Variants in DCC observed in about 807,000 individuals in gnomAD.
DCC encodes DCC netrin 1 receptor.
Under a neutral mutation model 172.5 loss-of-function variants are expected in DCC, and 58 were observed. The observed-to-expected ratio is 0.34, with a 90% CI of 0.27 to 0.42. The LOEUF is 0.42. Ranked by LOEUF, DCC falls within the 10% of genes least tolerant of loss-of-function variation. The probability of loss-of-function intolerance (pLI) is 1.00; values close to 1 mark genes in which losing one functional copy is unlikely to be tolerated. For missense variants in DCC, 1,740 were observed against 1,791.0 expected (o/e 0.97, Z 0.51); for synonymous variants, 709 against 644.5 (o/e 1.10, Z -1.52).
intron 1 of DCC, among the ~76,000 whole-genome samples, chr18:52,587,312 C>G (rs2033697063): frequency 6.6e-6 from 1 of 152,318 alleles, no homozygotes; most frequent in Admixed American, 6.5e-5. Context: ...ACTACCATGG[C>G]CACTTTGTTC....
chr18:53,402,876 C>T lies in DCC; in HGVS notation c.2918C>T (p.Ala973Val), dbSNP rs1012458014. Residue 973 changes from alanine to valine, a missense_variant, in exon 19 of 29, where the codon GCC becomes GTC. Physicochemically the swap from Ala to Val is moderately conservative, Grantham distance 64. Coordinates refer to ENST00000442544, the MANE Select transcript of DCC (RefSeq NM_005215.4). ...GTGAGTTGGCAGCCTCCCTTGGAAG[C>T]CAATGGGAAAATTACTGGTAAGCAT... ...VIVSWQPPLEANGKITAYILF... is the reference protein window; with the variant it reads ...VIVSWQPPLEVNGKITAYILF... 6.2e-7 allele frequency: 1 copy of T among 1,612,874 alleles called. No homozygotes were observed. Among genetic ancestry groups the T allele is most frequent in the Non-Finnish European group, 8.5e-7 (1 of 1,178,918 alleles).
At chr18:53,455,010 T>G (rs1004392818) in intron 23 of DCC, among the ~76,000 whole-genome samples, 1 of 152,206 alleles carries the variant, frequency 6.6e-6, no homozygotes, top group Non-Finnish European at 1.5e-5. Flanking sequence ...TTAATCAAAA[T>G]GGACAATTAG....
intron 28 of DCC, chr18:53,530,262 T>C (rs2144635159): frequency 2.9e-6 from 2 of 693,766 alleles, no homozygotes; most frequent in East Asian, 5.4e-5. Flanking sequence ...GTGCACTCAC[T>C]TGTCTAAGAC....
At chr18:53,491,725 G>A (rs147362839) in intron 26 of DCC, among the ~76,000 whole-genome samples, 17 of 152,176 alleles carry the variant, frequency 1.1e-4, no homozygotes, top group African/African-American at 2.9e-4. Flanking sequence ...CCAGTCCATC[G>A]TTGATGGGCA....
At chr18:52,802,580 G>T (rs1368028185) in intron 2 of DCC, among the ~76,000 whole-genome samples, 2 of 142,586 alleles carry the variant, frequency 1.4e-5, no homozygotes, top group African/African-American at 2.6e-5. Context: ...CTGAGCTCAA[G>T]TGGTCCTCCT....
rs890941326 is a variant in DCC at position 53,097,525 on chromosome 18, A to C, written c.1261+31359A>C. 4.6e-5 allele frequency among the ~76,000 whole-genome samples: 7 copies of C among 152,308 alleles called. No homozygotes were observed. The East Asian group carries it at 7.7e-4, about 17-fold the overall frequency. ...GGGAAGATAGATGAGTATAGCAATA[A>C]ATTAGACCAGATTGAAGCATACATA... On this transcript the variant is annotated intron_variant, in intron 7 of 28. Coordinates refer to ENST00000442544, the MANE Select transcript of DCC (RefSeq NM_005215.4).
intron 2 of DCC, among the ~76,000 whole-genome samples, chr18:52,766,918 G>A (rs1312144342): frequency 3.3e-5 from 5 of 152,056 alleles, no homozygotes; most frequent in Admixed American, 6.6e-5. Flanking sequence ...AGCTCAATAA[G>A]TGAGGCTTTA....
intron 1 of DCC, among the ~76,000 whole-genome samples, chr18:52,651,619 A>T (rs1389371618): frequency 6.6e-6 from 1 of 151,208 alleles, no homozygotes; most frequent in Non-Finnish European, 1.5e-5. Context: ...ATTATATAGT[A>T]TGTTATTAAT....
intron 5 of DCC, among the ~76,000 whole-genome samples, chr18:52,927,637 G>T (rs1351957073): frequency 6.6e-6 from 1 of 151,764 alleles, no homozygotes; most frequent in African/African-American, 2.4e-5. Flanking sequence ...AAAAAATATT[G>T]AAAATAAGCA....
chr18:52,449,972 T>G (rs985407352), intron 1 of DCC, among the ~76,000 whole-genome samples: 1 of 152,214 alleles, frequency 6.6e-6, no homozygotes, highest in Admixed American at 6.5e-5. Context: ...GGGTATGTCT[T>G]TATTAGCAGC....
At chr18:53,134,617 C>A (rs1190406896) in intron 7 of DCC, among the ~76,000 whole-genome samples, 1 of 152,008 alleles carries the variant, frequency 6.6e-6, no homozygotes. Context: ...AGGTCAAAAC[C>A]CAATGGCCCA....
chr18:52,752,324 T>C lies in DCC; in HGVS notation c.362T>C (p.Leu121Ser), dbSNP rs2037008389. Residue 121 changes from leucine (L) to serine (S), a missense_variant, in exon 2 of 29, where the codon TTA becomes TCA. By Grantham distance (145) the Leu-to-Ser change is moderately radical. Around this residue, in one of 2 missense-constraint regions of DCC, gnomAD observed 1,732 missense variants for 1,767.4 expected, o/e 0.98. Transcript: ENST00000442544. ...GGACTTTACCAATGTGAGGCATCTT[T>C]AGGAGATTCTGGCTCAATTATTAGT... ...DEGLYQCEAS[L>S]GDSGSIISRT... 1 of 1,614,194 alleles carries C rather than the reference T, an allele frequency of 6.2e-7. No individual in the cohort carries two copies. The highest frequency in any genetic ancestry group is 8.5e-7 in the Non-Finnish European group (1 of 1,180,034).
intron 25 of DCC, among the ~76,000 whole-genome samples, chr18:53,469,113 C>A (rs2045664083): frequency 6.6e-6 from 1 of 152,178 alleles, no homozygotes; most frequent in Admixed American, 6.5e-5. Context: ...ATTAACTCTG[C>A]CATTTCTTCC....
intron 2 of DCC, among the ~76,000 whole-genome samples, chr18:52,813,061 A>G (rs1304124756): frequency 6.6e-6 from 1 of 152,220 alleles, no homozygotes; most frequent in Non-Finnish European, 1.5e-5. Flanking sequence ...CATGGGCTTA[A>G]GATAGCTATG....
intron 18 of DCC, among the ~76,000 whole-genome samples, chr18:53,398,120 A>C (rs1039838321): frequency 1.3e-5 from 2 of 152,156 alleles, no homozygotes; most frequent in Non-Finnish European, 2.9e-5. Context: ...CCAACTTCTG[A>C]AGAATCCAGG....
intron 7 of DCC, among the ~76,000 whole-genome samples, chr18:53,114,892 G>C (rs1295883731): frequency 2.6e-5 from 4 of 151,660 alleles, no homozygotes; most frequent in Non-Finnish European, 5.9e-5. Flanking sequence ...CTTGATGAAA[G>C]AAATGTGTCC....
intron 1 of DCC, among the ~76,000 whole-genome samples, chr18:52,602,601 T>C (rs2144819738): frequency 6.6e-6 from 1 of 152,242 alleles, no homozygotes; most frequent in Middle Eastern, 3.4e-3. Context: ...TAATATGCCT[T>C]TATTAAAATC....
In DCC at chr18:52,462,982, A is replaced by G. The variant is rs16955032; in HGVS notation, c.91+122104A>G. On this transcript the variant is annotated intron_variant, in intron 1 of 28. Coordinates refer to ENST00000442544, the MANE Select transcript of DCC (RefSeq NM_005215.4). ...TTCTCTGCTGCCTGATAGTGGATCC[A>G]TAGATTCTCAGGAAACCCAGGCCTG... Among the ~76,000 whole-genome samples, 562 of 152,272 alleles carry G rather than the reference A, an allele frequency of 3.7e-3. 4 individuals are homozygous for G. Among genetic ancestry groups the G allele is most frequent in the African/African-American group, 0.013 (536 of 41,562 alleles).
At chr18:52,726,589 T>C (rs1412007844) in intron 1 of DCC, among the ~76,000 whole-genome samples, 2 of 152,210 alleles carry the variant, frequency 1.3e-5, no homozygotes, top group African/African-American at 4.8e-5. Context: ...GCAGAAACAA[T>C]GTTTTAATTT....
Sources: gnomAD v4.1 joint callset for allele counts (sites outside exome capture counted in the v4.1 genomes callset) on GRCh38, gnomAD v4.1.1 for gene constraint, gnomAD v4.1.1 regional missense constraint, MANE v1.5 for transcripts, NCBI Gene and HGNC (gene_info 2026-07-23, HGNC 2026-07-21) for gene names.